The following GRID2 variants were observed in gnomAD, a reference collection of about 807,000 sequenced individuals.
GRID2 encodes glutamate ionotropic receptor delta type subunit 2, also known as glutamate receptor ionotropic, delta-2.
A neutral mutation model predicts 114.8 loss-of-function variants in GRID2; 33 were observed. The ratio of observed to expected loss-of-function variants is 0.29; its 90% CI spans 0.22 to 0.38. GRID2 has a LOEUF of 0.38. Ranked by LOEUF, GRID2 falls within the 10% of genes least tolerant of loss-of-function variation. GRID2 has a pLI of 1.00. For missense variants in GRID2, 1,184 were observed against 1,257.7 expected (o/e 0.94, Z 0.89); for synonymous variants, 505 against 449.9 (o/e 1.12, Z -1.55).
intron 2 of GRID2, among the ~76,000 whole-genome samples, chr4:92,866,826 T>C (rs1744904813): frequency 1.3e-5 from 2 of 152,100 alleles, no homozygotes; most frequent in Non-Finnish European, 2.9e-5. Flanking sequence ...GCGGGGATTG[T>C]AGGCGTGAGC....
At chr4:92,724,216 T>A (rs1735950142) in intron 2 of GRID2, among the ~76,000 whole-genome samples, 1 of 152,112 alleles carries the variant, frequency 6.6e-6, no homozygotes, top group Non-Finnish European at 1.5e-5. Context: ...ATTCATGCAG[T>A]CATACAGTGT....
rs149228713 is a variant in GRID2 at position 92,796,896 on chromosome 4, C to T, written c.244+206610C>T. Among the ~76,000 whole-genome samples the T allele has an allele frequency of 3.9e-5, 6 of 152,014 alleles. No individual in the cohort carries two copies. The East Asian group carries it at 1.2e-3, about 30-fold the overall frequency. On this transcript the variant is annotated intron_variant, in intron 2 of 15. Coordinates refer to ENST00000282020, the MANE Select transcript of GRID2 (RefSeq NM_001510.4). ...GGTAGGCTCTTTTCTAGCAATTCTG[C>T]ACCCATGTAAAAGCTATATTTTTCA...
At chr4:93,587,803 G>T (rs757232188) in intron 13 of GRID2, among the ~76,000 whole-genome samples, 1 of 152,008 alleles carries the variant, frequency 6.6e-6, no homozygotes, top group Non-Finnish European at 1.5e-5. Context: ...ACATATAAAT[G>T]CATTCAATCA....
At chr4:92,692,182 G>T (rs1242176841) in intron 2 of GRID2, among the ~76,000 whole-genome samples, 1 of 152,052 alleles carries the variant, frequency 6.6e-6, no homozygotes, top group African/African-American at 2.4e-5. Context: ...CAACATGTAA[G>T]AAACAAATTA....
chr4:93,703,286 G>A (rs896212934), intron 14 of GRID2, among the ~76,000 whole-genome samples: 3 of 152,046 alleles, frequency 2.0e-5, no homozygotes, highest in Non-Finnish European at 4.4e-5. Flanking sequence ...TAGTAGGTGA[G>A]TATATTTATA....
At chr4:92,702,892 A>G (rs900554228) in intron 2 of GRID2, among the ~76,000 whole-genome samples, 11 of 152,072 alleles carry the variant, frequency 7.2e-5, no homozygotes, top group Admixed American at 4.6e-4. Flanking sequence ...GTACTCTCCC[A>G]TAAGTGCTTA....
chr4:92,863,751 C>T (rs1188773025), intron 2 of GRID2, among the ~76,000 whole-genome samples: 1 of 152,076 alleles, frequency 6.6e-6, no homozygotes, highest in African/African-American at 2.4e-5. Context: ...GTGGAGGTTT[C>T]TAATAGTTTT....
At chr4:93,010,239 C>A (rs1249954550) in intron 2 of GRID2, among the ~76,000 whole-genome samples, 1 of 152,012 alleles carries the variant, frequency 6.6e-6, no homozygotes, top group Non-Finnish European at 1.5e-5. Flanking sequence ...GATACAGTTT[C>A]ATTCCACCAT....
chr4:93,522,773 T>G (rs1730465623), intron 13 of GRID2, among the ~76,000 whole-genome samples: 1 of 151,994 alleles, frequency 6.6e-6, no homozygotes. Flanking sequence ...ACGTTTGAAG[T>G]TGAAATGATG....
chr4:93,681,488 A>T (rs571832635), intron 14 of GRID2, among the ~76,000 whole-genome samples: 2 of 151,766 alleles, frequency 1.3e-5, no homozygotes, highest in South Asian at 2.1e-4. Context: ...CCTAAGCCAA[A>T]AGAACAAAGC....
intron 15 of GRID2, among the ~76,000 whole-genome samples, 196 bp downstream of exon 15, chr4:93,769,646 T>C (rs1387467240): frequency 6.6e-6 from 1 of 152,178 alleles, no homozygotes; most frequent in African/African-American, 2.4e-5. Context: ...CCCAGATCAG[T>C]GAAGAGGAGA....
chr4:92,477,040 TGTGTGTGTGTG>T (rs1000257195), intron 1 of GRID2, among the ~76,000 whole-genome samples: 1 of 920 alleles, frequency 1.1e-3, no homozygotes, highest in Non-Finnish European at 4.7e-3. Flanking sequence ...TTTAACTTCA[TGTGTGTGTGTG>T]TGTGTGTGTG....
intron 4 of GRID2, among the ~76,000 whole-genome samples, chr4:93,182,473 G>C (rs376858314): frequency 1.3e-5 from 2 of 152,118 alleles, no homozygotes; most frequent in Non-Finnish European, 2.9e-5. Flanking sequence ...AATTAGAAGA[G>C]AGTGATCAAA....
intron 1 of GRID2, among the ~76,000 whole-genome samples, chr4:92,327,622 T>TATAA (rs1457702433): frequency 3.8e-4 from 57 of 151,988 alleles, no homozygotes; most frequent in African/African-American, 1.4e-3. Flanking sequence ...TAACCAATAT[T>TATAA]CTTCCCTTAT....
intron 2 of GRID2, among the ~76,000 whole-genome samples, chr4:92,674,732 A>AG (rs1408557863): frequency 3.9e-5 from 6 of 152,126 alleles, no homozygotes; most frequent in African/African-American, 1.4e-4. Flanking sequence ...CATCTTGGCC[A>AG]GGCTGGTCTT....
chr4:93,080,843 C>T (rs1716244761), intron 2 of GRID2, among the ~76,000 whole-genome samples: 1 of 152,122 alleles, frequency 6.6e-6, no homozygotes. Context: ...GTTTAAGAGG[C>T]TGGGAAGTCA....
intron 2 of GRID2, among the ~76,000 whole-genome samples, chr4:92,778,373 G>A (rs1049061769): frequency 7.2e-5 from 11 of 152,040 alleles, no homozygotes; most frequent in Admixed American, 1.3e-4. Flanking sequence ...ATTCTTCAGA[G>A]CAATTTGTAT....
intron 2 of GRID2, among the ~76,000 whole-genome samples, chr4:93,050,747 C>T (rs1578851231): frequency 6.6e-6 from 1 of 152,114 alleles, no homozygotes; most frequent in South Asian, 2.1e-4. Context: ...GATGAAGCTA[C>T]AGGTATGACA....
At chr4:93,299,206 GCACTCGTAGCC>G (rs1754610626) in intron 8 of GRID2, among the ~76,000 whole-genome samples, 2 of 152,172 alleles carry the variant, frequency 1.3e-5, no homozygotes, top group South Asian at 2.1e-4. Context: ...TAATTCTCAG[GCACTCGTAGCC>G]CACTATGCAT....
Sources: gnomAD v4.1 joint callset for allele counts (sites outside exome capture counted in the v4.1 genomes callset) on GRCh38, gnomAD v4.1.1 for gene constraint, MANE v1.5 for transcripts, NCBI Gene and HGNC (gene_info 2026-07-23, HGNC 2026-07-21) for gene names.